The following VASP variants were observed in gnomAD, a reference collection of about 807,000 sequenced individuals.
The protein encoded by VASP is vasodilator stimulated phosphoprotein.
A neutral mutation model predicts 54.4 loss-of-function variants in VASP; 27 were observed. The observed-to-expected ratio is 0.50, with a 90% CI of 0.37 to 0.68. VASP has a LOEUF of 0.68. VASP is among the 30% of genes least tolerant of loss of function. VASP has a pLI of 0.00. For synonymous variants in VASP, 233 were observed against 209.8 expected (o/e 1.11, Z -0.96); for missense variants, 488 against 528.3 (o/e 0.92, Z 0.75).
At chr19:45,508,839 T>G (rs1251236502) in intron 1 of VASP, among the ~76,000 whole-genome samples, 2 of 152,152 alleles carry the variant, frequency 1.3e-5, no homozygotes, top group Non-Finnish European at 2.9e-5. Flanking sequence ...GACCCAGGGA[T>G]TTGGTCTGGC....
chr19:45,509,360 C>T (rs1210196457), intron 1 of VASP, among the ~76,000 whole-genome samples: 1 of 151,736 alleles, frequency 6.6e-6, no homozygotes, highest in Non-Finnish European at 1.5e-5. Context: ...CGGGACTCTT[C>T]TCTCCCCTTG....
Position 45,522,734 on chromosome 19 carries a change from G to T in VASP, c.737G>T (p.Gly246Val), listed in dbSNP as rs750056026. ...RKVSKQEEAS[G>V]GPTAPKAESG... ...TTTCTCCAGCAGGAGGAGGCCTCAG[G>T]GGGGCCCACAGCCCCCAAAGCTGAG... The change falls in exon 7 of 13, where the codon GGG becomes GTG. Residue 246 changes from glycine (G) to valine (V), a missense_variant. Around this residue, in one of 4 missense-constraint regions of VASP, gnomAD observed 226 missense variants for 196.0 expected, o/e 1.15. Transcript: ENST00000245932. The T allele has an allele frequency of 2.5e-6, 4 of 1,604,464 alleles. No homozygotes were observed. Among genetic ancestry groups the T allele is most frequent in the Admixed American group, 1.8e-5 (1 of 56,152 alleles).
Position 45,518,084 on chromosome 19 carries a change from G to A in VASP, c.333G>A (p.Glu111=), listed in dbSNP as rs1425246079. The A allele has an allele frequency of 1.2e-6, 2 of 1,613,046 alleles. No individual in the cohort carries two copies. The highest frequency in any genetic ancestry group is 1.7e-6 in the Non-Finnish European group (2 of 1,179,726). The change falls in exon 3 of 13, where the codon GAG becomes GAA. Residue 111 remains glutamate (E), a synonymous_variant. Coordinates refer to ENST00000245932, the MANE Select transcript of VASP (RefSeq NM_003370.4). The part of the protein sequence containing the change: ...QFAAGMASAL[E]ALEGGGPPPP... ...CCGCCGGCATGGCCAGTGCCCTAGA[G>A]GCGTTGGAAGGTCAGAAATGGCGGC...
chr19:45,512,649 G>C (rs1429885886), intron 1 of VASP, among the ~76,000 whole-genome samples: 3 of 151,742 alleles, frequency 2.0e-5, no homozygotes, highest in African/African-American at 2.4e-5. Context: ...CCCCAGGCTG[G>C]GGTGCAGTGG....
Position 45,521,329 on chromosome 19 carries a change from GC to G in VASP, c.356del (p.Pro119LeufsTer34). On this transcript the variant is annotated frameshift_variant, in exon 4 of 13. Transcript: ENST00000245932. LOFTEE classifies it high-confidence loss of function. ...SALEALEGGG[P>X]PPPPALPTWS... ...TTCTCTCTCACCTTTCAGGAGGTGG[GC>G]CCCCTCCACCCCCAGCACTTCCCAC... is the stretch of plus-strand genomic sequence containing the variant. The G allele has an allele frequency of 1.3e-6, 2 of 1,575,758 alleles. No individual in the cohort carries two copies. The highest frequency in any genetic ancestry group is 1.2e-5 in the South Asian group (1 of 85,964).
chr19:45,525,962 TGAA>T lies in VASP; in HGVS notation c.1069_1071del (p.Lys357del). The stretch of plus-strand genomic sequence containing the variant: ...TAATTTTAGGAGCTTCTGGAAGAGG[TGAA>T]GAAGGAATTGCAGAAAGTGAAAGAG... On this transcript the variant is annotated inframe_deletion, in exon 12 of 13. Transcript: ENST00000245932. 1 of 1,613,964 alleles carries T rather than the reference TGAA, an allele frequency of 6.2e-7. No individual in the cohort carries two copies. Among genetic ancestry groups the T allele is most frequent in the Non-Finnish European group, 8.5e-7 (1 of 1,179,960 alleles).
intron 1 of VASP, among the ~76,000 whole-genome samples, chr19:45,510,847 C>T (rs1249300116): frequency 6.7e-6 from 1 of 150,282 alleles, no homozygotes; most frequent in Non-Finnish European, 1.5e-5. Flanking sequence ...GCGAGAGGAT[C>T]GTTTGAGCTG....
In VASP at chr19:45,507,781, GC is replaced by G; in HGVS notation, c.5+7del. 6.8e-7 allele frequency: 1 copy of G among 1,478,518 alleles called. No homozygotes were observed. The highest frequency in any genetic ancestry group is 8.9e-7 in the Non-Finnish European group (1 of 1,122,640). 91.6% of individuals were successfully genotyped at this position (1,478,518 alleles called of 1,614,324 possible). ...CGCCCGCCGAGCAGCCATGAGGTGA[GC>G]CGGACCTGCCCCCCGACCCGTCCCC... On this transcript the variant is annotated splice_donor_region_variant and intron_variant, in intron 1 of 12. Transcript: ENST00000245932. This position sits in a 1 kb window ranked among gnomAD's most constrained non-coding sequence, Gnocchi z 4.4.
Position 45,523,631 on chromosome 19 carries a change from T to G in VASP, c.822-13T>G. On this transcript the variant is annotated splice_polypyrimidine_tract_variant and intron_variant, in intron 7 of 12. Coordinates refer to ENST00000245932, the MANE Select transcript of VASP (RefSeq NM_003370.4). ...GTGACGGAAGCACGTGTTTTTGCTT[T>G]TCTCTCCTGCAGAAGGAAAGCCACG... is the stretch of plus-strand genomic sequence containing the variant. 9 of 1,613,968 alleles carry G rather than the reference T, an allele frequency of 5.6e-6. No homozygotes were observed. The highest frequency in any genetic ancestry group is 7.6e-6 in the Non-Finnish European group (9 of 1,179,980).
chr19:45,508,691 T>C (rs565349961), intron 1 of VASP, among the ~76,000 whole-genome samples: 1 of 152,272 alleles, frequency 6.6e-6, no homozygotes, highest in South Asian at 2.1e-4. Context: ...CGTCCCCCTA[T>C]CCACCCGGAG....
At chr19:45,513,527 AG>A (rs1476446539) in intron 1 of VASP, among the ~76,000 whole-genome samples, 1 of 136,044 alleles carries the variant, frequency 7.4e-6, no homozygotes, top group East Asian at 2.2e-4. Flanking sequence ...ACTGGAGTGC[AG>A]TGGTCTGAGA....
chr19:45,525,621 C>T (rs1378298710), intron 11 of VASP, among the ~76,000 whole-genome samples: 1 of 152,090 alleles, frequency 6.6e-6, no homozygotes, highest in Non-Finnish European at 1.5e-5. Flanking sequence ...TCGCTTGAAC[C>T]CGGGAGCCAG....
rs370507832 is a variant in VASP, at chr19:45,517,804, C to T, written c.147C>T (p.Val49=). Reference sequence around the variant, plus strand: ...ACCCCACGGCCAATTCCTTTCGCGTCGTGGGCCGGAAGATGCAGCCCGACC... The same window carrying T: ...ACCCCACGGCCAATTCCTTTCGCGTTGTGGGCCGGAAGATGCAGCCCGACC... The part of the protein sequence containing the change: ...YHNPTANSFR[V]VGRKMQPDQQ... Residue 49 remains valine, a synonymous_variant, in exon 2 of 13, where the codon GTC becomes GTT. Coordinates refer to ENST00000245932, the MANE Select transcript of VASP (RefSeq NM_003370.4). The T allele has an allele frequency of 6.4e-5, 104 of 1,613,706 alleles. No individual in the cohort carries two copies. Among genetic ancestry groups the T allele is most frequent in the Non-Finnish European group, 7.9e-5 (93 of 1,180,014 alleles).
intron 1 of VASP, among the ~76,000 whole-genome samples, chr19:45,514,251 A>G (rs1237554286): frequency 6.6e-6 from 1 of 152,132 alleles, no homozygotes; most frequent in African/African-American, 2.4e-5. Flanking sequence ...TCCCCAAGGG[A>G]CAGTGGAGCG....
At chr19:45,519,396 T>C (rs545311230) in intron 3 of VASP, among the ~76,000 whole-genome samples, 1 of 152,030 alleles carries the variant, frequency 6.6e-6, no homozygotes, top group East Asian at 1.9e-4. Flanking sequence ...CACCTGCCTC[T>C]GCCTCCCAAA....
intron 1 of VASP, among the ~76,000 whole-genome samples, chr19:45,511,830 C>T (rs755107764): frequency 6.6e-6 from 1 of 152,230 alleles, no homozygotes; most frequent in African/African-American, 2.4e-5. Flanking sequence ...GGCCTGGTGG[C>T]TTATGCCTGT....
intron 1 of VASP, among the ~76,000 whole-genome samples, chr19:45,514,211 G>A (rs1968657190): frequency 6.6e-6 from 1 of 152,124 alleles, no homozygotes; most frequent in South Asian, 2.1e-4. Flanking sequence ...GAGCAGCATG[G>A]GGGTAGGAGG....
rs765314359 is a variant in VASP at position 45,522,397 on chromosome 19, C to T, written c.536C>T (p.Pro179Leu). ...CCCCCACCACCAGGACCTCCCCCTC[C>T]TCCAGGTCCCCCCCCACCCCCAGGT... is the stretch of plus-strand genomic sequence containing the variant. Reference protein sequence around the residue: ...GPPPPPGPPPPPGPPPPPGLP... With the variant: ...GPPPPPGPPPLPGPPPPPGLP... The change falls in exon 6 of 13, where the codon CCT (proline) becomes CTT (leucine). Residue 179 changes from proline (P) to leucine (L), a missense_variant. Transcript: ENST00000245932. 2.6e-6 allele frequency: 4 copies of T among 1,536,388 alleles called. No homozygotes were observed. In the South Asian group the frequency reaches 3.6e-5, roughly 14 times the overall value.
At chr19:45,522,851 G>C (rs1044214943) in intron 7 of VASP, 33 bp downstream of exon 7, 4 of 1,590,556 alleles carry the variant, frequency 2.5e-6, no homozygotes, top group Non-Finnish European at 1.7e-6. Context: ...AAGTCACCTG[G>C]AGTTCCAGTT....
Sources: gnomAD v4.1 joint callset for allele counts (sites outside exome capture counted in the v4.1 genomes callset) on GRCh38, gnomAD v4.1.1 for gene constraint, gnomAD v4.1.1 regional missense constraint, Gnocchi (gnomAD v3.1) non-coding constraint, MANE v1.5 for transcripts, NCBI Gene and HGNC (gene_info 2026-07-23, HGNC 2026-07-21) for gene names.